The following COL14A1 variants were observed in gnomAD, a reference collection of about 807,000 sequenced individuals.
COL14A1 encodes the protein collagen type XIV alpha 1 chain.
A neutral mutation model predicts 230.3 loss-of-function variants in COL14A1; 136 were observed. That is an observed-to-expected ratio of 0.59 (90% CI 0.51 to 0.68). The LOEUF is 0.68. Among genes scored for constraint, COL14A1 ranks in the 30% least tolerant of loss-of-function variants. The pLI is 0.00. For synonymous variants in COL14A1, 792 were observed against 784.1 expected, an observed-to-expected ratio of 1.01 and a Z score of -0.17; for missense variants, 1,976 against 2,215.8, an observed-to-expected ratio of 0.89 and a Z score of 2.17.
At chr8:120,133,509 T>A (rs1161561232) in intron 1 of COL14A1, among the ~76,000 whole-genome samples, 1 of 152,168 alleles carries the variant, frequency 6.6e-6, no homozygotes, top group Non-Finnish European at 1.5e-5. Context: ...ATAATTGTCA[T>A]GTTAAAAAGT....
intron 45 of COL14A1, among the ~76,000 whole-genome samples, chr8:120,364,374 T>A (rs7834496): frequency 0.2 from 29,925 of 152,084 alleles, 3,866 homozygotes; most frequent in African/African-American, 0.36. Context: ...TTTTTAGAGA[T>A]CTGAAGTCTC....
intron 34 of COL14A1, 39 bp from the exon 35 acceptor site, chr8:120,297,472 T>C: frequency 1.0e-6 from 1 of 1,000,020 alleles, no homozygotes; most frequent in Non-Finnish European, 1.4e-6. Context: ...ATAATTTATA[T>C]ATATTTTATT....
intron 14 of COL14A1, among the ~76,000 whole-genome samples, chr8:120,219,026 G>T (rs1212367270): frequency 6.6e-6 from 1 of 150,692 alleles, no homozygotes; most frequent in Non-Finnish European, 1.5e-5. Context: ...TTATATATCA[G>T]TTATATTTAT....
intron 1 of COL14A1, among the ~76,000 whole-genome samples, chr8:120,143,601 A>G (rs1184541433): frequency 2.0e-5 from 3 of 152,216 alleles, no homozygotes; most frequent in African/African-American, 7.2e-5. Flanking sequence ...ACTGCACTCC[A>G]GCCTGGGCAA....
chr8:120,314,345 A>G (rs760303641), intron 38 of COL14A1, among the ~76,000 whole-genome samples: 1 of 151,594 alleles, frequency 6.6e-6, no homozygotes, highest in Non-Finnish European at 1.5e-5. Context: ...GATAACATTC[A>G]GAAAGTAACA....
intron 34 of COL14A1, among the ~76,000 whole-genome samples, chr8:120,291,483 C>T (rs918066925): frequency 4.1e-5 from 6 of 147,064 alleles, no homozygotes; most frequent in African/African-American, 1.5e-4. Context: ...TTGCTTGACC[C>T]CAGGAGGCGG....
rs750516572 is a variant in COL14A1, at chr8:120,208,216, A to C, written c.1192-16A>C. ...GATATTCCATACTCTCATTACTCAA[A>C]CTGTTCTTTAAACAGGTGGTGGTAG... On this transcript the variant is annotated splice_polypyrimidine_tract_variant and intron_variant, in intron 10 of 47. Coordinates refer to ENST00000297848, the MANE Select transcript of COL14A1 (RefSeq NM_021110.4). The C allele has an allele frequency of 1.3e-6, 2 of 1,595,198 alleles. No homozygotes were observed. Among genetic ancestry groups the C allele is most frequent in the Non-Finnish European group, 1.7e-6 (2 of 1,167,058 alleles).
chr8:120,159,100 G>T (rs2130526859), intron 3 of COL14A1, among the ~76,000 whole-genome samples: 1 of 152,324 alleles, frequency 6.6e-6, no homozygotes, highest in African/African-American at 2.4e-5. Context: ...ACCCCATGGA[G>T]TTTTCTATGA....
At chr8:120,153,934 T>C (rs534414411) in intron 2 of COL14A1, among the ~76,000 whole-genome samples, 2 of 152,284 alleles carry the variant, frequency 1.3e-5, no homozygotes, top group Admixed American at 6.5e-5. Flanking sequence ...GAGAGTCTGC[T>C]TGACCGGGTT....
chr8:120,211,815 C>T (rs912661158), intron 12 of COL14A1, among the ~76,000 whole-genome samples: 2 of 152,184 alleles, frequency 1.3e-5, no homozygotes, highest in African/African-American at 4.8e-5. Context: ...TCTACTGTCA[C>T]ACAACTGAGA....
chr8:120,206,539 G>A (rs1821046240), intron 9 of COL14A1, among the ~76,000 whole-genome samples: 1 of 152,146 alleles, frequency 6.6e-6, no homozygotes, highest in African/African-American at 2.4e-5. Flanking sequence ...AGTAGAGACG[G>A]GGTTTTGCCA....
chr8:120,342,471 A>G (rs764625989), intron 44 of COL14A1, 25 bp downstream of exon 44: 46 of 1,607,472 alleles, frequency 2.9e-5, no homozygotes, highest in Non-Finnish European at 3.8e-5. Flanking sequence ...GTTACGGAGG[A>G]TGTTCCCCAT....
chr8:120,142,484 C>T (rs2130438307), intron 1 of COL14A1, among the ~76,000 whole-genome samples: 1 of 152,286 alleles, frequency 6.6e-6, no homozygotes, highest in African/African-American at 2.4e-5. Context: ...CCAATGTCTT[C>T]TGTGTTCTGA....
At chr8:120,298,274 G>A (rs1219121306) in intron 35 of COL14A1, among the ~76,000 whole-genome samples, 1 of 151,814 alleles carries the variant, frequency 6.6e-6, no homozygotes, top group East Asian at 1.9e-4. Flanking sequence ...GAAGTCCAGT[G>A]GGTGCTGAAT....
chr8:120,337,742 G>A (rs1229786349), intron 42 of COL14A1, among the ~76,000 whole-genome samples: 7 of 152,180 alleles, frequency 4.6e-5, no homozygotes, highest in Admixed American at 4.6e-4. Flanking sequence ...CAGGGAATAT[G>A]TGTTTTCCCT....
chr8:120,335,047 A>G (rs1330528782), intron 42 of COL14A1, among the ~76,000 whole-genome samples: 3 of 152,178 alleles, frequency 2.0e-5, no homozygotes, highest in Non-Finnish European at 4.4e-5. Context: ...CCAGGCTAGG[A>G]AAAAGCAAGG....
At chr8:120,206,467 A>G (rs552995955) in intron 9 of COL14A1, among the ~76,000 whole-genome samples, 39 of 152,178 alleles carry the variant, frequency 2.6e-4, no homozygotes, top group Non-Finnish European at 5.4e-4. Context: ...CTCCTGCCTC[A>G]GCCTCCAAAG....
chr8:120,279,987 T>C lies in COL14A1; in HGVS notation c.3534T>C (p.Val1178=), dbSNP rs776434984. ...GVADADYSEL[V]SIGSKPSARH... Reference sequence around the variant, plus strand: ...CCGATGCAGATTACTCGGAGTTGGTTAGCATTGGCAGTAAGCCCAGCGCAC... The same window carrying C: ...CCGATGCAGATTACTCGGAGTTGGTCAGCATTGGCAGTAAGCCCAGCGCAC... The change falls in exon 29 of 48, where the codon GTT becomes GTC. Residue 1178 remains valine, a synonymous_variant. Coordinates refer to ENST00000297848, the MANE Select transcript of COL14A1 (RefSeq NM_021110.4). The C allele has an allele frequency of 6.2e-7, 1 of 1,613,844 alleles. No homozygotes were observed. Among genetic ancestry groups the C allele is most frequent in the Non-Finnish European group, 8.5e-7 (1 of 1,179,848 alleles).
At chr8:120,205,596 T>C (rs940114922) in intron 9 of COL14A1, among the ~76,000 whole-genome samples, 2 of 152,114 alleles carry the variant, frequency 1.3e-5, no homozygotes, top group African/African-American at 4.8e-5. Context: ...CAGTGTGAAA[T>C]GGTTCTTTCT....
Sources: gnomAD v4.1 joint callset for allele counts (sites outside exome capture counted in the v4.1 genomes callset) on GRCh38, gnomAD v4.1.1 for gene constraint, MANE v1.5 for transcripts, NCBI Gene and HGNC (gene_info 2026-07-23, HGNC 2026-07-21) for gene names.